Variants in TPP2 observed in about 807,000 individuals in gnomAD.
TPP2 encodes tripeptidyl-peptidase 2.
Under a neutral mutation model 155.9 loss-of-function variants are expected in TPP2, and 34 were observed. The observed-to-expected ratio is 0.22, with a 90% CI of 0.17 to 0.29. The LOEUF (loss-of-function observed/expected upper bound fraction) is 0.29. Ranked by LOEUF, TPP2 falls within the 10% of genes least tolerant of loss-of-function variation. TPP2 has a pLI of 1.00. For synonymous variants in TPP2, 510 were observed against 529.4 expected, an observed-to-expected ratio of 0.96 and a Z score of 0.50; for missense variants, 1,028 against 1,522.3, an observed-to-expected ratio of 0.68 and a Z score of 5.40.
In TPP2 at chr13:102,627,995, G is replaced by A. The variant is rs558135929; in HGVS notation, c.1016+71G>A. ...GAAGAGTATGAGATGTTTTTCATAA[G>A]TGGATTGAGTGTCACGGTGGAAGAA... On this transcript the variant is annotated intron_variant, in intron 8 of 29. Transcript: ENST00000376052. 3.4e-6 allele frequency: 4 copies of A among 1,189,204 alleles called. No homozygotes were observed. The South Asian group carries it at 3.9e-5, about 12-fold the overall frequency. 73.7% of individuals were successfully genotyped at this position (1,189,204 alleles called of 1,614,324 possible).
At chr13:102,608,521 CT>C (rs1276695141) in intron 2 of TPP2, among the ~76,000 whole-genome samples, 1 of 151,994 alleles carries the variant, frequency 6.6e-6, no homozygotes, top group Admixed American at 6.5e-5. Flanking sequence ...TTGCCTTAAT[CT>C]TTTTCCTTCC....
At chr13:102,598,424 A>G (rs1316134007) in intron 1 of TPP2, among the ~76,000 whole-genome samples, 1 of 152,172 alleles carries the variant, frequency 6.6e-6, no homozygotes, top group East Asian at 1.9e-4. Flanking sequence ...ACCCCTGGGA[A>G]TCTTGATTCC....
chr13:102,635,510 TGATC>T (rs1882310571), intron 11 of TPP2, 73 bp from the exon 12 acceptor site: 1 of 992,156 alleles, frequency 1.0e-6, no homozygotes, highest in South Asian at 1.4e-5. Context: ...GGTCTACAGG[TGATC>T]GATCATACTG....
chr13:102,673,531 T>A (rs552104766), intron 27 of TPP2, among the ~76,000 whole-genome samples: 10 of 152,184 alleles, frequency 6.6e-5, no homozygotes, highest in Non-Finnish European at 1.2e-4. Flanking sequence ...ATTTATTGAG[T>A]TTCCATTCTG....
chr13:102,661,211 G>T (rs2442707), intron 25 of TPP2, among the ~76,000 whole-genome samples: 97,303 of 150,446 alleles, frequency 0.65, 32,749 homozygotes, highest in African/African-American at 0.86. Flanking sequence ...TTACATATTT[G>T]TAAGGAGCTT....
At chr13:102,648,444 G>A (rs1312482581) in intron 21 of TPP2, among the ~76,000 whole-genome samples, 3 of 49,978 alleles carry the variant, frequency 6.0e-5, no homozygotes, top group East Asian at 6.2e-4. Context: ...GTGTGTGTGT[G>A]TGTGTGTGTG....
Position 102,664,917 on chromosome 13 carries a change from T to A in TPP2, c.3363T>A (p.Thr1121=). 1 of 1,611,556 alleles carries A rather than the reference T, an allele frequency of 6.2e-7. No individual in the cohort carries two copies. Among genetic ancestry groups the A allele is most frequent in the Non-Finnish European group, 8.5e-7 (1 of 1,179,356 alleles). ...MKTDPRPDAA[T]IKNDMDKQKS... is the part of the protein sequence containing the mutation. ...CTGATCCCAGGCCTGATGCAGCTACTATAAAAAAGTACCTAACCAGTAAAT... is the reference window on the plus strand; with the variant it reads ...CTGATCCCAGGCCTGATGCAGCTACAATAAAAAAGTACCTAACCAGTAAAT... The change falls in exon 27 of 30, where the codon ACT becomes ACA. Residue 1121 remains threonine, a synonymous_variant. Coordinates refer to ENST00000376052, the MANE Select transcript of TPP2 (RefSeq NM_001330588.2).
In TPP2 at chr13:102,621,758, G is replaced by A. The variant is rs534354675; in HGVS notation, c.621-1119G>A. On this transcript the variant is annotated intron_variant, in intron 5 of 29. Transcript: ENST00000376052. Reference sequence around the variant, plus strand: ...GCGGACACATTATGGAGATGGGACTGTGCGGTTAGATGGGCTGGGGGAAGA... The same window carrying A: ...GCGGACACATTATGGAGATGGGACTATGCGGTTAGATGGGCTGGGGGAAGA... Among the ~76,000 whole-genome samples, 6 of 152,290 alleles carry A rather than the reference G, an allele frequency of 3.9e-5. No homozygotes were observed. In the East Asian group the frequency reaches 1.2e-3, roughly 29 times the overall value.
At chr13:102,661,442 T>C (rs556362646) in intron 25 of TPP2, among the ~76,000 whole-genome samples, 21 of 151,838 alleles carry the variant, frequency 1.4e-4, no homozygotes, top group Non-Finnish European at 2.8e-4. Flanking sequence ...GGGATCTCAC[T>C]ATGTTGCCCA....
chr13:102,624,852 C>CTTTTTTTTTTTT (rs1029486604), intron 6 of TPP2, among the ~76,000 whole-genome samples: 47 of 83,422 alleles, frequency 5.6e-4, no homozygotes, highest in Admixed American at 1.1e-3. Flanking sequence ...TTTTTTTTTC[C>CTTTTTTTTTTTT]TTTTTTTTTT....
chr13:102,629,674 A>C (rs1389524269), intron 9 of TPP2, 65 bp downstream of exon 9: 1 of 1,518,572 alleles, frequency 6.6e-7, no homozygotes, highest in East Asian at 2.5e-5. Flanking sequence ...ATAGTTAATG[A>C]AATGTTACCT....
At chr13:102,630,050 G>A in intron 9 of TPP2, 46 bp from the exon 10 acceptor site, 5 of 1,529,702 alleles carry the variant, frequency 3.3e-6, no homozygotes, top group Non-Finnish European at 4.5e-6. Context: ...TTGGAATCAG[G>A]ATCCCCGTTT....
At chr13:102,638,185 G>T (rs613926) in intron 14 of TPP2, 54 bp from the exon 15 acceptor site, 68 of 1,508,210 alleles carry the variant, frequency 4.5e-5, no homozygotes, top group South Asian at 2.1e-4. Context: ...ACCTTCCCCC[G>T]CTCTTTTAAA....
intron 1 of TPP2, among the ~76,000 whole-genome samples, chr13:102,600,303 T>A (rs914306550): frequency 2.0e-5 from 3 of 152,204 alleles, no homozygotes; most frequent in African/African-American, 7.2e-5. Context: ...CCATCCGTCA[T>A]CTGTAAACTC....
chr13:102,643,455 T>C, intron 17 of TPP2, 79 bp downstream of exon 17: 2 of 1,278,906 alleles, frequency 1.6e-6, no homozygotes, highest in Non-Finnish European at 2.0e-6. Context: ...TATTTGCATT[T>C]GATTTTATAG....
In TPP2 at chr13:102,678,470, C is replaced by CGT. The variant is rs1450428063; in HGVS notation, c.*158_*159dup. ...ATGTATTTATCAGAGAATTCACTGA[C>CGT]GTGTGGCTTAATACATGTAAATCTA... On this transcript the variant is annotated 3_prime_UTR_variant, in exon 30 of 30. Transcript: ENST00000376052. 2 of 605,798 alleles carry CGT rather than the reference C, an allele frequency of 3.3e-6. No individual in the cohort carries two copies. Among genetic ancestry groups the CGT allele is most frequent in the African/African-American group, 4.0e-5 (2 of 50,336 alleles). 37.5% of individuals were successfully genotyped at this position (605,798 alleles called of 1,614,324 possible).
At chr13:102,666,257 A>G (rs1375402252) in intron 27 of TPP2, among the ~76,000 whole-genome samples, 1 of 152,230 alleles carries the variant, frequency 6.6e-6, no homozygotes, top group African/African-American at 2.4e-5. Flanking sequence ...GCACATAGTC[A>G]AATCAGGATC....
chr13:102,616,455 T>C lies in TPP2; in HGVS notation c.450T>C (p.Cys150=). The part of the protein sequence containing the change: ...PVHRVALAEA[C]RKQEEFDVAN... ...ACAGAGTGGCCCTTGCAGAAGCCTG[T>C]AGAAAACAGGAAGAATTTGATGTTG... is the stretch of plus-strand genomic sequence containing the variant. The change falls in exon 4 of 30, where the codon TGT becomes TGC. Residue 150 remains cysteine, a synonymous_variant. Coordinates refer to ENST00000376052, the MANE Select transcript of TPP2 (RefSeq NM_001330588.2). 10 of 1,612,768 alleles carry C rather than the reference T, an allele frequency of 6.2e-6. No homozygotes were observed. The highest frequency in any genetic ancestry group is 8.5e-6 in the Non-Finnish European group (10 of 1,179,374).
chr13:102,610,774 A>G (rs1880243806), intron 2 of TPP2, among the ~76,000 whole-genome samples: 2 of 152,234 alleles, frequency 1.3e-5, no homozygotes, highest in African/African-American at 4.8e-5. Flanking sequence ...ATAGAACTTT[A>G]AAACCTTTTA....
Sources: gnomAD v4.1 joint callset for allele counts (sites outside exome capture counted in the v4.1 genomes callset) on GRCh38, gnomAD v4.1.1 for gene constraint, MANE v1.5 for transcripts, NCBI Gene and HGNC (gene_info 2026-07-23, HGNC 2026-07-21) for gene names.